Variants in TMTC4 observed in about 807,000 individuals in gnomAD.
TMTC4 encodes protein O-mannosyl-transferase TMTC4.
A neutral mutation model predicts 86.0 loss-of-function variants in TMTC4; 65 were observed. That is an observed-to-expected ratio of 0.76 (90% CI 0.62 to 0.93). The LOEUF (loss-of-function observed/expected upper bound fraction) is 0.93, where lower values mean the gene tolerates loss of function less well. TMTC4 is among the 40% of genes least tolerant of loss of function. The pLI is 0.00. For missense variants in TMTC4, 866 were observed against 948.1 expected (o/e 0.91, Z 1.14); for synonymous variants, 379 against 382.5 (o/e 0.99, Z 0.11).
At chr13:100,657,060 A>G (rs1885204696) in intron 5 of TMTC4, among the ~76,000 whole-genome samples, 1 of 152,162 alleles carries the variant, frequency 6.6e-6, no homozygotes, top group African/African-American at 2.4e-5. Context: ...AGACGGCGAT[A>G]TGCACGTGCC....
intron 12 of TMTC4, among the ~76,000 whole-genome samples, chr13:100,626,532 C>G (rs553966565): frequency 1.3e-5 from 2 of 152,146 alleles, no homozygotes; most frequent in Admixed American, 1.3e-4. Flanking sequence ...GCCATCATAG[C>G]GTGCTGCAGC....
intron 12 of TMTC4, among the ~76,000 whole-genome samples, chr13:100,627,516 G>A (rs1470879319): frequency 2.0e-5 from 3 of 151,924 alleles, no homozygotes; most frequent in South Asian, 2.1e-4. Flanking sequence ...CAGATGCCTC[G>A]CTCCCACCTC....
chr13:100,635,270 T>A, intron 10 of TMTC4, 75 bp from the exon 11 acceptor site: 2 of 1,401,800 alleles, frequency 1.4e-6, no homozygotes, highest in Non-Finnish European at 1.9e-6. Context: ...CCACATTAAA[T>A]TAATGCTAAA....
At chr13:100,661,938 C>A (rs1369567525) in intron 5 of TMTC4, among the ~76,000 whole-genome samples, 1 of 152,126 alleles carries the variant, frequency 6.6e-6, no homozygotes, top group Non-Finnish European at 1.5e-5. Context: ...ATGAATGACT[C>A]CAGTCAAATC....
At chr13:100,657,248 C>T (rs1043433382) in intron 5 of TMTC4, among the ~76,000 whole-genome samples, 5 of 152,272 alleles carry the variant, frequency 3.3e-5, no homozygotes, top group African/African-American at 4.8e-5. Context: ...TGTGAAAAGC[C>T]GTCCTGCCGA....
chr13:100,666,539 C>T (rs1886418294), intron 3 of TMTC4, among the ~76,000 whole-genome samples: 1 of 152,234 alleles, frequency 6.6e-6, no homozygotes, highest in Non-Finnish European at 1.5e-5. Flanking sequence ...TTTCTTCTTC[C>T]TGGCTGACCA....
chr13:100,607,106 G>A (rs1036818800), intron 17 of TMTC4, among the ~76,000 whole-genome samples: 1 of 152,172 alleles, frequency 6.6e-6, no homozygotes, highest in African/African-American at 2.4e-5. Flanking sequence ...TGGCTGGCTG[G>A]TCCCTTCTAC....
In TMTC4 at chr13:100,636,735, C is replaced by T; in HGVS notation, c.1000-1G>A. 6.2e-7 allele frequency: 1 copy of T among 1,613,968 alleles called. No individual in the cohort carries two copies. On this transcript the variant is annotated splice_acceptor_variant, in intron 9 of 18. Coordinates refer to ENST00000342624, the MANE Select transcript of TMTC4 (RefSeq NM_032813.5). LOFTEE classifies it high-confidence loss of function. The stretch of plus-strand genomic sequence containing the variant: ...AATAGTAGTAATTGTAGTTTACGGC[C>T]TGCCAGTCAAAAGGAGAACAAACAT...
chr13:100,629,549 A>G (rs1277703709), intron 12 of TMTC4, among the ~76,000 whole-genome samples: 1 of 152,172 alleles, frequency 6.6e-6, no homozygotes, highest in Non-Finnish European at 1.5e-5. Context: ...CCCACTAGAT[A>G]ATACACATTG....
At chr13:100,647,406 A>AC in intron 6 of TMTC4, among the ~76,000 whole-genome samples, 1 of 152,070 alleles carries the variant, frequency 6.6e-6, no homozygotes, top group East Asian at 1.9e-4. Context: ...CCAAATGGAC[A>AC]CCCTCCACCC....
chr13:100,639,917 G>A (rs967848734), intron 7 of TMTC4, among the ~76,000 whole-genome samples: 1 of 151,898 alleles, frequency 6.6e-6, no homozygotes, highest in Non-Finnish European at 1.5e-5. Context: ...TCCAGCCAGA[G>A]CGACAAGAGA....
intron 3 of TMTC4, among the ~76,000 whole-genome samples, chr13:100,664,818 A>G (rs748588612): frequency 3.4e-4 from 51 of 152,214 alleles, no homozygotes; most frequent in Non-Finnish European, 6.6e-4. Context: ...GGCAACTTAC[A>G]GTCACATGAC....
intron 12 of TMTC4, among the ~76,000 whole-genome samples, chr13:100,627,402 T>C (rs2138819841): frequency 6.6e-6 from 1 of 152,304 alleles, no homozygotes; most frequent in African/African-American, 2.4e-5. Flanking sequence ...TCCTGGAGGC[T>C]GAGATCACGG....
chr13:100,607,956 T>C (rs963317558), intron 17 of TMTC4, among the ~76,000 whole-genome samples: 2 of 152,114 alleles, frequency 1.3e-5, no homozygotes, highest in African/African-American at 4.8e-5. Context: ...AAAAGTCAAA[T>C]GGGTTGTGTA....
chr13:100,607,780 C>G (rs1432596361), intron 17 of TMTC4, among the ~76,000 whole-genome samples: 2 of 152,060 alleles, frequency 1.3e-5, no homozygotes, highest in Non-Finnish European at 2.9e-5. Context: ...GGCAGAGAAA[C>G]ATTTATATTT....
rs533300690 is a variant in TMTC4 at position 100,649,864 on chromosome 13, T to C, written c.640+6517A>G. On this transcript the variant is annotated intron_variant, in intron 6 of 18. Coordinates refer to ENST00000342624, the MANE Select transcript of TMTC4 (RefSeq NM_032813.5). ...TCATTTTAAATTTAGAAGTAACTGT[T>C]AAAAACAGTACAAATAAATTCTGAG... Among the ~76,000 whole-genome samples, 68 of 152,082 alleles carry C rather than the reference T, an allele frequency of 4.5e-4. 1 individual carries two copies. The highest frequency in any genetic ancestry group is 3.6e-3 in the Admixed American group (55 of 15,284).
At chr13:100,627,437 C>T (rs1023952903) in intron 12 of TMTC4, among the ~76,000 whole-genome samples, 1 of 152,166 alleles carries the variant, frequency 6.6e-6, no homozygotes, top group Non-Finnish European at 1.5e-5. Flanking sequence ...GTCCCATCAC[C>T]GGCTGAGGGA....
At chr13:100,653,285 T>C (rs959658013) in intron 6 of TMTC4, among the ~76,000 whole-genome samples, 112 of 152,344 alleles carry the variant, frequency 7.4e-4, no homozygotes, top group African/African-American at 2.6e-3. Context: ...ACAGTGCCTC[T>C]GCTAAGAGAC....
At chr13:100,629,617 A>G (rs539000480) in intron 12 of TMTC4, among the ~76,000 whole-genome samples, 1 of 152,316 alleles carries the variant, frequency 6.6e-6, no homozygotes, top group South Asian at 2.1e-4. Flanking sequence ...AGATCCACTC[A>G]TTCATACCAC....
Sources: gnomAD v4.1 joint callset for allele counts (sites outside exome capture counted in the v4.1 genomes callset) on GRCh38, gnomAD v4.1.1 for gene constraint, MANE v1.5 for transcripts, NCBI Gene and HGNC (gene_info 2026-07-23, HGNC 2026-07-21) for gene names.